The following CSMD1 variants were observed in gnomAD, a reference collection of about 807,000 sequenced individuals.
CSMD1 encodes CUB and Sushi multiple domains 1.
Under a neutral mutation model 417.5 loss-of-function variants are expected in CSMD1, and 213 were observed. The observed-to-expected ratio is 0.51, with a 90% CI of 0.46 to 0.57. The LOEUF is 0.57. Among genes scored for constraint, CSMD1 ranks in the 20% least tolerant of loss-of-function variants. The probability of loss-of-function intolerance (pLI) is 0.00; values close to 1 mark genes in which losing one functional copy is unlikely to be tolerated. For synonymous variants in CSMD1, 2,862 were observed against 1,736.8 expected (o/e 1.65, Z -16.11); for missense variants, 6,923 against 4,529.7 (o/e 1.53, Z -15.17).
intron 10 of CSMD1, among the ~76,000 whole-genome samples, chr8:3,570,354 T>C (rs941062372): frequency 6.6e-6 from 1 of 152,236 alleles, no homozygotes; most frequent in Non-Finnish European, 1.5e-5. Context: ...TTCTAGATAT[T>C]TCTTTCCTTG....
At chr8:3,852,142 C>G (rs1217876850) in intron 5 of CSMD1, among the ~76,000 whole-genome samples, 4 of 152,106 alleles carry the variant, frequency 2.6e-5, no homozygotes, top group Non-Finnish European at 4.4e-5. Flanking sequence ...TACAAATACT[C>G]TATAAGAATA....
At chr8:3,998,845 T>A (rs148325923) in intron 4 of CSMD1, among the ~76,000 whole-genome samples, 3,716 of 150,686 alleles carry the variant, frequency 0.025, 61 homozygotes, top group Non-Finnish European at 0.037. Flanking sequence ...TTACAAAATA[T>A]TATATGCATT....
chr8:3,372,876 G>T (rs973003004), intron 18 of CSMD1, among the ~76,000 whole-genome samples: 1 of 152,120 alleles, frequency 6.6e-6, no homozygotes, highest in Non-Finnish European at 1.5e-5. Context: ...TTCCATAGAG[G>T]GAACTAATGC....
chr8:3,248,630 C>T (rs1015931026), intron 26 of CSMD1, among the ~76,000 whole-genome samples: 8 of 143,960 alleles, frequency 5.6e-5, no homozygotes, highest in East Asian at 2.1e-4. Flanking sequence ...CCTGGGTTCA[C>T]GCTCCCTCAC....
intron 1 of CSMD1, chr8:4,787,850 G>GGT (rs1797489578): frequency 4.5e-6 from 7 of 1,568,120 alleles, no homozygotes; most frequent in Non-Finnish European, 6.1e-6. Context: ...GAGAAATCCT[G>GGT]GTTGCCCCAG....
intron 63 of CSMD1, among the ~76,000 whole-genome samples, chr8:2,956,915 T>C (rs956100705): frequency 3.9e-5 from 6 of 152,168 alleles, no homozygotes; most frequent in Admixed American, 1.3e-4. Context: ...GTACATGTAC[T>C]ATCAACATAT....
intron 2 of CSMD1, among the ~76,000 whole-genome samples, chr8:4,427,953 T>C (rs1450702830): frequency 1.3e-5 from 2 of 152,198 alleles, no homozygotes; most frequent in Non-Finnish European, 2.9e-5. Context: ...TGTTTTCAAA[T>C]GTTTTTCTGA....
chr8:3,666,874 T>C (rs1321693162), intron 7 of CSMD1, among the ~76,000 whole-genome samples: 1 of 152,188 alleles, frequency 6.6e-6, no homozygotes, highest in African/African-American at 2.4e-5. Context: ...AGATAGGTCT[T>C]TATCAGCAGC....
chr8:4,831,159 G>A (rs896356389), intron 1 of CSMD1, among the ~76,000 whole-genome samples: 1 of 152,126 alleles, frequency 6.6e-6, no homozygotes, highest in Non-Finnish European at 1.5e-5. Context: ...GTTATTCAAT[G>A]GACAAAGAAT....
At chr8:4,868,216 A>G (rs1435686329) in intron 1 of CSMD1, among the ~76,000 whole-genome samples, 1 of 152,060 alleles carries the variant, frequency 6.6e-6, no homozygotes, top group Admixed American at 6.5e-5. Flanking sequence ...CCTACTCTGT[A>G]TGTTATTTTA....
chr8:4,147,579 T>A (rs1397920747), intron 3 of CSMD1, among the ~76,000 whole-genome samples: 1 of 152,214 alleles, frequency 6.6e-6, no homozygotes, highest in Non-Finnish European at 1.5e-5. Context: ...ATAATGATAA[T>A]GACCCTAATA....
intron 5 of CSMD1, among the ~76,000 whole-genome samples, chr8:3,780,642 G>A (rs907751640): frequency 2.0e-5 from 3 of 152,296 alleles, no homozygotes; most frequent in African/African-American, 4.8e-5. Flanking sequence ...CAGCTCCTGG[G>A]GTTGTAATCA....
intron 25 of CSMD1, among the ~76,000 whole-genome samples, chr8:3,303,907 CAAGTGCCCCATAATAAT>C (rs2117358852): frequency 1.3e-5 from 2 of 151,676 alleles, no homozygotes; most frequent in South Asian, 4.2e-4. Flanking sequence ...CTTCCAGACC[CAAGTGCCCCATAATAAT>C]AACTATTTTG....
intron 52 of CSMD1, among the ~76,000 whole-genome samples, chr8:3,005,528 A>G (rs987520629): frequency 2.0e-5 from 3 of 152,180 alleles, no homozygotes; most frequent in African/African-American, 7.2e-5. Context: ...CCTCAATAAA[A>G]TACTGGCAAA....
intron 16 of CSMD1, among the ~76,000 whole-genome samples, chr8:3,396,736 A>C (rs1273628456): frequency 6.6e-6 from 1 of 152,132 alleles, no homozygotes; most frequent in Non-Finnish European, 1.5e-5. Flanking sequence ...AAATAGAAAA[A>C]ACTCAATTAT....
At chr8:4,411,152 C>A (rs1796632389) in intron 3 of CSMD1, among the ~76,000 whole-genome samples, 1 of 152,238 alleles carries the variant, frequency 6.6e-6, no homozygotes. Flanking sequence ...ACATCTCTTT[C>A]CTTTATAAAT....
chr8:3,129,209 G>C (rs1323844659), intron 41 of CSMD1, among the ~76,000 whole-genome samples: 6 of 152,162 alleles, frequency 3.9e-5, no homozygotes, highest in Non-Finnish European at 1.5e-5. Flanking sequence ...GAGAAAAAGG[G>C]AAAGGGGATT....
At chr8:4,699,149 C>T (rs1807343683) in intron 1 of CSMD1, among the ~76,000 whole-genome samples, 2 of 152,136 alleles carry the variant, frequency 1.3e-5, no homozygotes, top group South Asian at 4.1e-4. Context: ...AGATTTGGAA[C>T]AATTAATTCC....
intron 7 of CSMD1, 35 bp from the exon 8 acceptor site, chr8:3,616,832 T>G: frequency 6.9e-7 from 1 of 1,458,484 alleles, no homozygotes; most frequent in African/African-American, 1.4e-5. Context: ...AAATGCTGTA[T>G]AGTTATTGAG....
Sources: allele counts gnomAD v4.1 joint callset (sites outside exome capture counted in the v4.1 genomes callset), GRCh38; gene constraint gnomAD v4.1.1; transcripts MANE v1.5; gene names NCBI Gene and HGNC (gene_info 2026-07-23, HGNC 2026-07-21).